The following GFI1B variants were observed in gnomAD, a reference collection of about 807,000 sequenced individuals.
GFI1B encodes the protein growth factor independent 1B transcriptional repressor.
Under a neutral mutation model 35.3 loss-of-function variants are expected in GFI1B, and 20 were observed. The ratio of observed to expected loss-of-function variants is 0.57; its 90% CI spans 0.40 to 0.82. The LOEUF is 0.82. Ranked by LOEUF, GFI1B falls within the 40% of genes least tolerant of loss-of-function variation. The pLI, the probability that GFI1B is intolerant of heterozygous loss-of-function variation, is 0.00. For missense variants in GFI1B, 430 were observed against 446.3 expected, an observed-to-expected ratio of 0.96 and a Z score of 0.33; for synonymous variants, 178 against 177.6, an observed-to-expected ratio of 1.00 and a Z score of -0.02.
Position 132,954,584 on chromosome 9 carries a change from AAAAAAGAAAAG to A in GFI1B, c.-701+8930_-701+8940del, listed in dbSNP as rs1439267429. 1.4e-3 allele frequency among the ~76,000 whole-genome samples: 197 copies of A among 141,532 alleles called. 2 individuals carry two copies. Among genetic ancestry groups the A allele is most frequent in the African/African-American group, 5.8e-3 (184 of 31,876 alleles). 92.9% of individuals were successfully genotyped at this position (141,532 alleles called of 152,430 possible). On this transcript the variant is annotated intron_variant, in intron 1 of 10. Coordinates refer to the GFI1B transcript ENST00000339463. ...AGTAAGACTCTGTCTCAAAAAAAAA[AAAAAAGAAAAG>A]AAAAAGAAAAGAAACAGGGTTTTGC...
chr9:132,961,631 G>A (rs992414541), intron 1 of GFI1B, among the ~76,000 whole-genome samples: 24 of 141,872 alleles, frequency 1.7e-4, no homozygotes, highest in Non-Finnish European at 2.7e-4. Flanking sequence ...TCGCTCTGTC[G>A]CCCAGGCTGG....
Position 132,989,846 on chromosome 9 carries a change from G to A in GFI1B, c.753G>A (p.Gln251=). Residue 251 remains glutamine (Q), a synonymous_variant, in exon 6 of 7, where the codon CAG becomes CAA. Transcript: ENST00000372122. The surrounding 1 kb of genome is among the most constrained non-coding windows in gnomAD (Gnocchi z 6.2). ...CAGACACGCGGCCCTACCCCTGCCA[G>A]TTCTGCGGCAAGCGTTTCCACCAGA... The part of the protein sequence containing the change: ...IHSDTRPYPC[Q]FCGKRFHQKS... 1.2e-6 allele frequency: 2 copies of A among 1,614,252 alleles called. No homozygotes were observed. The highest frequency in any genetic ancestry group is 1.7e-6 in the Non-Finnish European group (2 of 1,180,032).
At chr9:132,961,353 C>G (rs1414853594) in intron 1 of GFI1B, among the ~76,000 whole-genome samples, 5 of 150,566 alleles carry the variant, frequency 3.3e-5, no homozygotes, top group Non-Finnish European at 7.4e-5. Flanking sequence ...ACTTATATCA[C>G]AAACGGCCTC....
At chr9:132,946,032 C>A (rs1848086834) in intron 1 of GFI1B, among the ~76,000 whole-genome samples, 1 of 152,124 alleles carries the variant, frequency 6.6e-6, no homozygotes, top group South Asian at 2.1e-4. Context: ...AGTATAGGGC[C>A]TTGGTGAGAA....
intron 1 of GFI1B, among the ~76,000 whole-genome samples, chr9:132,949,033 A>G (rs970449053): frequency 3.6e-4 from 55 of 152,274 alleles, no homozygotes; most frequent in African/African-American, 1.3e-3. Context: ...TGGTGTTAGT[A>G]ATGGTTTCCC....
chr9:132,989,775 G>T lies in GFI1B; in HGVS notation c.682G>T (p.Ala228Ser). 1 of 1,614,048 alleles carries T rather than the reference G, an allele frequency of 6.2e-7. No individual in the cohort carries two copies. The highest frequency in any genetic ancestry group is 8.5e-7 in the Non-Finnish European group (1 of 1,179,862). ...CTTCGAGTGCCGCATGTGCGGCAAG[G>T]CCTTCAAGCGCTCGTCCACGCTGTC... ...RSFECRMCGK[A>S]FKRSSTLSTH... Residue 228 changes from alanine to serine, a missense_variant, in exon 6 of 7, where the codon GCC becomes TCC. Physicochemically the swap from Ala to Ser is moderately conservative, Grantham distance 99. Coordinates refer to ENST00000372122, the MANE Select transcript of GFI1B (RefSeq NM_001377304.1). The surrounding 1 kb of genome is among the most constrained non-coding windows in gnomAD (Gnocchi z 6.2).
upstream of GFI1B, among the ~76,000 whole-genome samples, chr9:132,974,649 A>G (rs965685519): frequency 6.7e-6 from 1 of 149,892 alleles, no homozygotes; most frequent in Non-Finnish European, 1.5e-5. Flanking sequence ...ATATTTTCAG[A>G]TAAGTGTGAA....
At chr9:132,974,601 C>CAAAAA (rs11243966), upstream of GFI1B, among the ~76,000 whole-genome samples, 118 of 79,806 alleles carry the variant, frequency 1.5e-3, no homozygotes, top group African/African-American at 4.9e-3. Flanking sequence ...GAATCCGTCT[C>CAAAAA]AAAAAAAAAA....
chr9:132,980,411 T>G (rs1455908327), intron 1 of GFI1B, among the ~76,000 whole-genome samples: 1 of 152,236 alleles, frequency 6.6e-6, no homozygotes, highest in Non-Finnish European at 1.5e-5. Context: ...AGGCTTTTCG[T>G]GTGTTCCTTG....
At chr9:132,977,767 C>A (rs1309549198), upstream of GFI1B, among the ~76,000 whole-genome samples, 1 of 152,136 alleles carries the variant, frequency 6.6e-6, no homozygotes, top group Non-Finnish European at 1.5e-5. Context: ...CTCACTCCCC[C>A]CAGCATCAAT....
chr9:132,986,702 G>A lies in GFI1B; in HGVS notation c.24G>A (p.Lys8=), dbSNP rs753415765. 6 of 1,611,896 alleles carry A rather than the reference G, an allele frequency of 3.7e-6. No individual in the cohort carries two copies. The highest frequency in any genetic ancestry group is 1.1e-5 in the South Asian group (1 of 90,586). Residue 8 remains lysine (K), a synonymous_variant, in exon 2 of 7, where the codon AAG becomes AAA. Transcript: ENST00000372122. The stretch of plus-strand genomic sequence containing the variant: ...AAATGCCACGCTCCTTCCTGGTGAA[G>A]AGCAAGAAGGCTCACACCTACCACC... The part of the protein sequence containing the change: MPRSFLV[K]SKKAHTYHQP...
intron 1 of GFI1B, among the ~76,000 whole-genome samples, chr9:132,958,341 T>C (rs1848313837): frequency 6.6e-6 from 1 of 152,136 alleles, no homozygotes; most frequent in Admixed American, 6.6e-5. Context: ...AAAAGAGGTT[T>C]AATTGGCTCA....
At chr9:132,974,149 T>C (rs7849071), upstream of GFI1B, among the ~76,000 whole-genome samples, 23,550 of 149,132 alleles carry the variant, frequency 0.16, 1,907 homozygotes, top group East Asian at 0.18. Context: ...TTCATTCATT[T>C]ATTCACTCTG....
chr9:132,972,058 T>C (rs1405368418), intron 1 of GFI1B, among the ~76,000 whole-genome samples: 4 of 151,718 alleles, frequency 2.6e-5, no homozygotes, highest in Admixed American at 2.6e-4. Context: ...GCAGATCTCA[T>C]GGATTTAGGA....
intron 1 of GFI1B, among the ~76,000 whole-genome samples, chr9:132,947,761 A>T (rs1440348247): frequency 6.9e-6 from 1 of 144,258 alleles, no homozygotes; most frequent in Non-Finnish European, 1.5e-5. Flanking sequence ...GTGAGCTGAG[A>T]TTGTGCCACT....
In GFI1B at chr9:132,989,935, C is replaced by T; in HGVS notation, c.814+28C>T. On this transcript the variant is annotated intron_variant, in intron 6 of 6. Transcript: ENST00000372122. The surrounding 1 kb of genome is among the most constrained non-coding windows in gnomAD (Gnocchi z 6.2). ...GAGTGAGTCTCACCTGCCTGTGCCC[C>T]CTGGGCAGAGCACCCCCACCTTTCC... 1.2e-6 allele frequency: 2 copies of T among 1,601,154 alleles called. No individual in the cohort carries two copies. The highest frequency in any genetic ancestry group is 1.7e-5 in the Admixed American group (1 of 59,948).
intron 1 of GFI1B, among the ~76,000 whole-genome samples, chr9:132,960,857 C>G (rs1848350831): frequency 6.6e-6 from 1 of 151,852 alleles, no homozygotes; most frequent in Admixed American, 6.6e-5. Context: ...CACCTCCTCT[C>G]TCAAATCCCT....
At chr9:132,954,574 CA>C (rs111946842) in intron 1 of GFI1B, among the ~76,000 whole-genome samples, 1,718 of 107,660 alleles carry the variant, frequency 0.016, 23 homozygotes, top group East Asian at 0.059. Flanking sequence ...GACTCTGTCT[CA>C]AAAAAAAAAA....
chr9:132,991,111 G>A lies in GFI1B; in HGVS notation c.*61G>A, dbSNP rs1401979409. On this transcript the variant is annotated 3_prime_UTR_variant, in exon 7 of 7. Coordinates refer to ENST00000372122, the MANE Select transcript of GFI1B (RefSeq NM_001377304.1). ...CTGCGGTCCTGTCACCTGGAGGCCAGCCTCACATGCCCAAATCTCCAGTCT... is the reference window on the plus strand; with the variant it reads ...CTGCGGTCCTGTCACCTGGAGGCCAACCTCACATGCCCAAATCTCCAGTCT... 3.5e-6 allele frequency: 5 copies of A among 1,430,174 alleles called. No homozygotes were observed. The highest frequency in any genetic ancestry group is 4.9e-6 in the Non-Finnish European group (5 of 1,024,032). The allele number at this position is 1,430,174 out of a possible 1,614,324, so 88.6% of individuals were successfully genotyped here.
Sources: allele counts gnomAD v4.1 joint callset (sites outside exome capture counted in the v4.1 genomes callset), GRCh38; gene constraint gnomAD v4.1.1; non-coding constraint Gnocchi (gnomAD v3.1); transcripts MANE v1.5; gene names NCBI Gene and HGNC (gene_info 2026-07-23, HGNC 2026-07-21).